The following NPR3 variants were observed in gnomAD, a reference collection of about 807,000 sequenced individuals.
NPR3 encodes the protein natriuretic peptide receptor 3, also known as atrial natriuretic peptide receptor 3.
Under a neutral mutation model 54.5 loss-of-function variants are expected in NPR3, and 34 were observed. The observed-to-expected ratio is 0.62, with a 90% CI of 0.47 to 0.83. The LOEUF is 0.83. Among genes scored for constraint, NPR3 ranks in the 40% least tolerant of loss-of-function variants. The pLI, the probability that NPR3 is intolerant of heterozygous loss-of-function variation, is 0.00. For synonymous variants in NPR3, 289 were observed against 297.1 expected (o/e 0.97, Z 0.28); for missense variants, 674 against 720.8 (o/e 0.94, Z 0.74).
chr5:32,779,163 T>C (rs1246411050), intron 4 of NPR3, among the ~76,000 whole-genome samples: 1 of 152,002 alleles, frequency 6.6e-6, no homozygotes, highest in Non-Finnish European at 1.5e-5. Flanking sequence ...ACACTAGAGG[T>C]TGGAACTTTC....
At chr5:32,751,639 A>G (rs1370704701) in intron 3 of NPR3, among the ~76,000 whole-genome samples, 1 of 152,174 alleles carries the variant, frequency 6.6e-6, no homozygotes, top group Admixed American at 6.5e-5. Context: ...CAAATACCCC[A>G]GTAGTAACCA....
At chr5:32,714,672 T>C (rs986884389) in intron 1 of NPR3, among the ~76,000 whole-genome samples, 4 of 152,206 alleles carry the variant, frequency 2.6e-5, no homozygotes, top group African/African-American at 9.6e-5. Context: ...GTTTCTCCTC[T>C]AATCGTCCTC....
chr5:32,701,497 A>C (rs571524063), intron 1 of NPR3, among the ~76,000 whole-genome samples: 67 of 152,304 alleles, frequency 4.4e-4, no homozygotes, highest in Non-Finnish European at 9.3e-4. Context: ...TTGTCTTCCC[A>C]GGATTGATCC....
chr5:32,764,969 G>A (rs1741376258), intron 3 of NPR3, among the ~76,000 whole-genome samples: 1 of 151,986 alleles, frequency 6.6e-6, no homozygotes. Flanking sequence ...CCCAAATGCA[G>A]GGAATTAAGT....
At chr5:32,752,616 A>C (rs1740635861) in intron 3 of NPR3, among the ~76,000 whole-genome samples, 1 of 152,204 alleles carries the variant, frequency 6.6e-6, no homozygotes. Context: ...AGGTCCTTTC[A>C]GGCACTGGAG....
intron 2 of NPR3, among the ~76,000 whole-genome samples, chr5:32,731,006 A>T (rs1354770386): frequency 6.6e-6 from 1 of 152,174 alleles, no homozygotes; most frequent in Non-Finnish European, 1.5e-5. Context: ...ATTTTGCAGA[A>T]TGTCTTTCAA....
In NPR3 at chr5:32,724,689, C is replaced by T. The variant is rs765202008; in HGVS notation, c.770-9C>T. On this transcript the variant is annotated splice_polypyrimidine_tract_variant and intron_variant, in intron 1 of 7. Coordinates refer to ENST00000265074, the MANE Select transcript of NPR3 (RefSeq NM_001204375.2). Reference sequence around the variant, plus strand: ...GGTGCCTCATGTGTGTTGTTTGTTCCTCCCCTAGTGGTGATCATGTGTGCG... The same window carrying T: ...GGTGCCTCATGTGTGTTGTTTGTTCTTCCCCTAGTGGTGATCATGTGTGCG... 1 of 1,613,804 alleles carries T rather than the reference C, an allele frequency of 6.2e-7. No individual in the cohort carries two copies. Among genetic ancestry groups the T allele is most frequent in the Admixed American group, 1.7e-5 (1 of 60,002 alleles).
chr5:32,788,260 G>A lies in NPR3; in HGVS notation c.*1915G>A, dbSNP rs1206133333. On this transcript the variant is annotated 3_prime_UTR_variant, in exon 8 of 8. Coordinates refer to ENST00000265074, the MANE Select transcript of NPR3 (RefSeq NM_001204375.2). ...CCATGCTGGATGCAAAGGAAAAAGTGTCGAATTCCAAAAAGGATGGAAGAA... is the reference window on the plus strand; with the variant it reads ...CCATGCTGGATGCAAAGGAAAAAGTATCGAATTCCAAAAAGGATGGAAGAA... 2.6e-5 allele frequency: 4 copies of A among 152,224 alleles called. No homozygotes were observed. The East Asian group carries it at 7.7e-4, about 29-fold the overall frequency. The allele number at this position is 152,224 out of a possible 1,614,324, so 9.4% of individuals were successfully genotyped here.
chr5:32,764,752 C>T (rs980607374), intron 3 of NPR3, among the ~76,000 whole-genome samples: 8 of 130,402 alleles, frequency 6.1e-5, no homozygotes, highest in African/African-American at 2.1e-4. Context: ...CACGCCACTC[C>T]ATTCCAGCCT....
At position 32,711,822 on chromosome 5, in the gene NPR3, G is replaced by A. The variant is rs1012152708; in HGVS notation, c.46G>A (p.Gly16Ser). The change falls in exon 1 of 8, where the codon GGC becomes AGC. Residue 16 changes from glycine to serine, a missense_variant. Coordinates refer to ENST00000265074, the MANE Select transcript of NPR3 (RefSeq NM_001204375.2). Reference protein sequence around the residue: ...VLTFSPCVLLGWALLAGGTGG... With the variant: ...VLTFSPCVLLSWALLAGGTGG... ...CACTTTCTCCCCGTGCGTACTACTC[G>A]GCTGGGCGTTGCTGGCCGGCGGCAC... 1 of 1,458,046 alleles carries A rather than the reference G, an allele frequency of 6.9e-7. No homozygotes were observed. Among genetic ancestry groups the A allele is most frequent in the Non-Finnish European group, 9.0e-7 (1 of 1,106,514 alleles). 90.3% of individuals were successfully genotyped at this position (1,458,046 alleles called of 1,614,324 possible).
Position 32,712,541 on chromosome 5 carries a change from G to C in NPR3, c.765G>C (p.Glu255Asp). 1 of 1,519,698 alleles carries C rather than the reference G, an allele frequency of 6.6e-7. No homozygotes were observed. The highest frequency in any genetic ancestry group is 2.0e-5 in the Admixed American group (1 of 50,722). 94.1% of individuals were successfully genotyped at this position (1,519,698 alleles called of 1,614,324 possible). A position where few individuals can be genotyped will look rare whatever the true frequency, so the allele number is the denominator to read the frequency against. Residue 255 changes from glutamate (E) to aspartate (D), a missense_variant, in exon 1 of 8, where the codon GAG (glutamate) becomes GAC (aspartate). By Grantham distance (45) the Glu-to-Asp change is conservative (BLOSUM62 2). Transcript: ENST00000265074. ...EDIVRNIQAS[E>D]RVVIMCASSD... is the part of the protein sequence containing the mutation. ...TCGTGCGCAATATCCAGGCCAGTGA[G>C]AGAGGTGAGCAGGGGCGCGTCCCGG...
At chr5:32,711,081 G>A (rs993336442), upstream of NPR3, among the ~76,000 whole-genome samples, 7 of 152,106 alleles carry the variant, frequency 4.6e-5, no homozygotes, top group African/African-American at 1.7e-4. Context: ...TTAAGGAAAA[G>A]GCAGAGGGCC....
rs1391057430 is a variant in NPR3 at position 32,711,488 on chromosome 5, C to G, written c.-289C>G. 2.6e-6 allele frequency: 3 copies of G among 1,148,618 alleles called. No homozygotes were observed. The African/African-American group carries it at 4.8e-5, about 18-fold the overall frequency. The allele number at this position is 1,148,618 out of a possible 1,614,324, so 71.2% of individuals were successfully genotyped here. On this transcript the variant is annotated 5_prime_UTR_variant, in exon 1 of 8. Transcript: ENST00000265074. Reference sequence around the variant, plus strand: ...AAATAGTATATGTATAAACGGAGGGCGAATATATACAAGTATATATATATG... The same window carrying G: ...AAATAGTATATGTATAAACGGAGGGGGAATATATACAAGTATATATATATG...
chr5:32,707,841 G>A (rs1314141025), upstream of NPR3, among the ~76,000 whole-genome samples: 1 of 152,042 alleles, frequency 6.6e-6, no homozygotes, highest in Non-Finnish European at 1.5e-5. Flanking sequence ...AGAATCACAT[G>A]TTAGTTTTCC....
At chr5:32,717,087 A>T (rs993002520) in intron 1 of NPR3, among the ~76,000 whole-genome samples, 1 of 140,708 alleles carries the variant, frequency 7.1e-6, no homozygotes, top group African/African-American at 2.6e-5. Context: ...CCCACCTATG[A>T]GTGAGAACAT....
intron 1 of NPR3, among the ~76,000 whole-genome samples, chr5:32,719,761 C>G (rs191142049): frequency 1.0e-4 from 15 of 149,048 alleles, no homozygotes; most frequent in African/African-American, 3.4e-4. Context: ...CTTTTCTTAC[C>G]TTCTATTTAC....
chr5:32,726,274 A>G (rs1245748725), intron 2 of NPR3, among the ~76,000 whole-genome samples: 2 of 152,216 alleles, frequency 1.3e-5, no homozygotes, highest in South Asian at 2.1e-4. Context: ...GCAGTACATC[A>G]TTGTGCATAT....
At chr5:32,725,757 T>A (rs956700846) in intron 2 of NPR3, among the ~76,000 whole-genome samples, 2 of 152,250 alleles carry the variant, frequency 1.3e-5, no homozygotes, top group Non-Finnish European at 2.9e-5. Context: ...GTTACACCTA[T>A]GTTTACAGTG....
intron 5 of NPR3, 84 bp downstream of exon 5, chr5:32,780,900 C>G (rs1742304963): frequency 2.9e-6 from 2 of 693,688 alleles, no homozygotes; most frequent in Admixed American, 4.6e-5. Context: ...GGCCAAAGAG[C>G]TGTCTCCAAT....
Sources: gnomAD v4.1 joint callset for allele counts (sites outside exome capture counted in the v4.1 genomes callset) on GRCh38, gnomAD v4.1.1 for gene constraint, MANE v1.5 for transcripts, NCBI Gene and HGNC (gene_info 2026-07-23, HGNC 2026-07-21) for gene names.